The following EFHB variants were observed in gnomAD, a reference collection of about 807,000 sequenced individuals.
EFHB encodes the protein EF-hand domain-containing family member B.
In EFHB, 91 loss-of-function variants were observed where a neutral mutation model predicts 87.2. The observed-to-expected ratio is 1.04, with a 90% CI of 0.88 to 1.24. EFHB has a LOEUF of 1.24. Among genes scored for constraint, EFHB ranks in the 50% most tolerant of loss-of-function variants. The probability of loss-of-function intolerance (pLI) is 0.00; values close to 1 mark genes in which losing one functional copy is unlikely to be tolerated. For missense variants in EFHB, 1,084 were observed against 998.8 expected (o/e 1.09, Z -1.15); for synonymous variants, 325 against 333.6 (o/e 0.97, Z 0.28).
At chr3:19,923,136 G>A (rs539651076) in intron 1 of EFHB, among the ~76,000 whole-genome samples, 162 of 152,082 alleles carry the variant, frequency 1.1e-3, no homozygotes, top group African/African-American at 3.6e-3. Flanking sequence ...GCATGGTGGC[G>A]CATGCCTGTA....
At chr3:19,911,879 GGT>G (rs1371470896) in intron 5 of EFHB, among the ~76,000 whole-genome samples, 1 of 152,040 alleles carries the variant, frequency 6.6e-6, no homozygotes, top group African/African-American at 2.4e-5. Flanking sequence ...GGGAGGCCAA[GGT>G]GCAAAGATCA....
At chr3:19,935,536 AC>A (rs1695991775), upstream of EFHB, among the ~76,000 whole-genome samples, 1 of 151,664 alleles carries the variant, frequency 6.6e-6, no homozygotes, top group Non-Finnish European at 1.5e-5. Flanking sequence ...ACATCGCGAA[AC>A]CCTGTCTCTA....
Position 19,888,366 on chromosome 3 carries a change from G to A in EFHB, c.1933+78C>T, listed in dbSNP as rs536360265. 6.9e-5 allele frequency: 56 copies of A among 807,624 alleles called. No homozygotes were observed. In the South Asian group the frequency reaches 1.9e-3, roughly 28 times the overall value. The allele number at this position is 807,624 out of a possible 1,614,324, so 50.0% of individuals were successfully genotyped here. On this transcript the variant is annotated intron_variant, in intron 10 of 12. Coordinates refer to ENST00000295824, the MANE Select transcript of EFHB (RefSeq NM_144715.4). Reference sequence around the variant, plus strand: ...AGCCTGGGCAACATAGTGAGACCTCGTCTGTATTAAAAATAATAATAATAA... The same window carrying A: ...AGCCTGGGCAACATAGTGAGACCTCATCTGTATTAAAAATAATAATAATAA...
At chr3:19,913,606 A>G (rs961191951) in intron 5 of EFHB, among the ~76,000 whole-genome samples, 7 of 152,226 alleles carry the variant, frequency 4.6e-5, no homozygotes, top group African/African-American at 1.7e-4. Flanking sequence ...TATTGTTAAA[A>G]TGTCCATACT....
At chr3:19,932,615 A>T (rs993459097) in intron 1 of EFHB, among the ~76,000 whole-genome samples, 5 of 152,228 alleles carry the variant, frequency 3.3e-5, no homozygotes, top group African/African-American at 1.2e-4. Flanking sequence ...CATCTCTTCT[A>T]AACAGAATTG....
chr3:19,946,495 G>C (rs1455139363), intron 1 of EFHB, among the ~76,000 whole-genome samples: 1 of 152,242 alleles, frequency 6.6e-6, no homozygotes, highest in Non-Finnish European at 1.5e-5. Flanking sequence ...CACTATTTTA[G>C]GATTTGGCCT....
chr3:19,901,241 A>G (rs1385935115), intron 6 of EFHB, among the ~76,000 whole-genome samples: 7 of 152,240 alleles, frequency 4.6e-5, no homozygotes, highest in African/African-American at 7.2e-5. Context: ...AGTGAACAGG[A>G]TTATGAGCGA....
chr3:19,915,520 C>T (rs1695199374), intron 4 of EFHB, 107 bp from the exon 5 acceptor site: 1 of 675,912 alleles, frequency 1.5e-6, no homozygotes, highest in East Asian at 2.8e-5. Context: ...GGATGCAAGG[C>T]TACATAGACA....
Position 19,933,473 on chromosome 3 carries a change from G to T in EFHB, c.546C>A (p.Pro182=). 1 of 1,613,892 alleles carries T rather than the reference G, an allele frequency of 6.2e-7. No homozygotes were observed. The highest frequency in any genetic ancestry group is 8.5e-7 in the Non-Finnish European group (1 of 1,179,878). ...CCACAGGAAGCTTAATCTCTGTGTTGGGTTTCATTAAAACACAGGTAGACT... is the reference window on the plus strand; with the variant it reads ...CCACAGGAAGCTTAATCTCTGTGTTTGGTTTCATTAAAACACAGGTAGACT... ...EKESTCVLMK[P]NTEIKLPVEV... is the part of the protein sequence containing the mutation. Residue 182 remains proline (P), a synonymous_variant, in exon 1 of 13, where the codon CCC becomes CCA. Transcript: ENST00000295824.
intron 9 of EFHB, 193 bp downstream of exon 9, chr3:19,896,494 T>C (rs775361850): frequency 2.6e-6 from 2 of 761,008 alleles, no homozygotes; most frequent in Non-Finnish European, 4.5e-6. Flanking sequence ...TCTGTATTCA[T>C]ACTGCAAAAG....
chr3:19,884,886 T>A (rs1339724319), intron 10 of EFHB, among the ~76,000 whole-genome samples: 1 of 146,222 alleles, frequency 6.8e-6, no homozygotes, highest in Non-Finnish European at 1.5e-5. Context: ...AGACCAAATG[T>A]AAACACAGAA....
intron 5 of EFHB, among the ~76,000 whole-genome samples, chr3:19,912,282 A>G (rs1215718786): frequency 6.6e-6 from 1 of 152,186 alleles, no homozygotes; most frequent in African/African-American, 2.4e-5. Flanking sequence ...AGTCCAGGAG[A>G]GAGTGCCATG....
rs1024570357 is a variant in EFHB, at chr3:19,946,918, C to A, written c.-32+1G>T. On this transcript the variant is annotated splice_donor_variant, in intron 1 of 14. Coordinates refer to the EFHB transcript ENST00000344838. LOFTEE classifies it low-confidence loss of function (5UTR_SPLICE). ...GCTGGAGAGGGCGTGGCCGCGCGTACCTGGGGTGGGGGAAGGGGAGAAAGG... is the reference window on the plus strand; with the variant it reads ...GCTGGAGAGGGCGTGGCCGCGCGTAACTGGGGTGGGGGAAGGGGAGAAAGG... 6.6e-6 allele frequency: 1 copy of A among 152,502 alleles called. No individual in the cohort carries two copies. The highest frequency in any genetic ancestry group is 6.5e-5 in the Admixed American group (1 of 15,288). The allele number at this position is 152,502 out of a possible 1,614,324, so 9.4% of individuals were successfully genotyped here.
At chr3:19,946,802 A>G (rs1228448513) in intron 1 of EFHB, 1 of 152,234 alleles carries the variant, frequency 6.6e-6, no homozygotes, top group Non-Finnish European at 1.5e-5. Context: ...AACACAAGTT[A>G]TTTTGATCTT....
At chr3:19,917,061 G>A (rs1057234060) in intron 4 of EFHB, among the ~76,000 whole-genome samples, 3 of 151,800 alleles carry the variant, frequency 2.0e-5, no homozygotes, top group Non-Finnish European at 4.4e-5. Flanking sequence ...CATATACATC[G>A]GATTTCTTAA....
At chr3:19,908,602 A>AGAGAGAGAGAGAGAGAGAGAG (rs1559459816) in intron 5 of EFHB, among the ~76,000 whole-genome samples, 33 of 77,336 alleles carry the variant, frequency 4.3e-4, no homozygotes, top group African/African-American at 4.9e-4. Flanking sequence ...GAGAGAGAGA[A>AGAGAGAGAGAGAGAGAGAGAG]AGAAAGAAAG....
rs1056356879 is a variant in EFHB at position 19,905,662 on chromosome 3, C to T, written c.1376G>A (p.Arg459Gln). 16 of 1,613,616 alleles carry T rather than the reference C, an allele frequency of 9.9e-6. No homozygotes were observed. The highest frequency in any genetic ancestry group is 6.7e-5 in the African/African-American group (5 of 74,878). ...GVPTPHFNDG[R>Q]AMAKSLYWLH... ...CCAATATAGAGATTTTGCCATGGCT[C>T]GTCCATCATTAAAATGTGGTGTTGG... The change falls in exon 6 of 13, where the codon CGA (arginine) becomes CAA (glutamine). Residue 459 changes from arginine (R) to glutamine (Q), a missense_variant. Physicochemically the swap from Arg to Gln is conservative, Grantham distance 43. Coordinates refer to ENST00000295824, the MANE Select transcript of EFHB (RefSeq NM_144715.4).
chr3:19,934,188 G>T lies in EFHB; in HGVS notation c.-170C>A, dbSNP rs1228437092. 6.9e-7 allele frequency: 1 copy of T among 1,440,330 alleles called. No homozygotes were observed. Among genetic ancestry groups the T allele is most frequent in the African/African-American group, 1.4e-5 (1 of 69,818 alleles). 89.2% of individuals were successfully genotyped at this position (1,440,330 alleles called of 1,614,324 possible). ...CTTCCTGCCTGCCTCTTAACACCTAGCCGAGTTCACAGAGGAAAAGATGGA... is the reference window on the plus strand; with the variant it reads ...CTTCCTGCCTGCCTCTTAACACCTATCCGAGTTCACAGAGGAAAAGATGGA... On this transcript the variant is annotated 5_prime_UTR_variant, in exon 1 of 13. Coordinates refer to ENST00000295824, the MANE Select transcript of EFHB (RefSeq NM_144715.4).
chr3:19,879,909 A>G (rs2071630297), intron 12 of EFHB, 105 bp from the exon 13 acceptor site: 3 of 1,136,690 alleles, frequency 2.6e-6, no homozygotes, highest in Non-Finnish European at 3.6e-6. Flanking sequence ...CCAAAAAAGT[A>G]TGTGTGAAAA....
Sources: gnomAD v4.1 joint callset for allele counts (sites outside exome capture counted in the v4.1 genomes callset) on GRCh38, gnomAD v4.1.1 for gene constraint, MANE v1.5 for transcripts, NCBI Gene and HGNC (gene_info 2026-07-23, HGNC 2026-07-21) for gene names.